The following PDE3B variants were observed in gnomAD, a reference collection of about 807,000 sequenced individuals.
PDE3B encodes the protein phosphodiesterase 3B.
Under a neutral mutation model 116.8 loss-of-function variants are expected in PDE3B, and 66 were observed. The ratio of observed to expected loss-of-function variants is 0.56; its 90% CI spans 0.46 to 0.69. The LOEUF is 0.69. Ranked by LOEUF, PDE3B falls within the 30% of genes least tolerant of loss-of-function variation. The pLI, the probability that PDE3B is intolerant of heterozygous loss-of-function variation, is 0.00. For missense variants in PDE3B, 1,384 were observed against 1,368.1 expected (o/e 1.01, Z -0.18); for synonymous variants, 595 against 533.6 (o/e 1.12, Z -1.59).
chr11:14,844,864 C>T (rs1847559272), intron 12 of PDE3B, among the ~76,000 whole-genome samples: 1 of 152,180 alleles, frequency 6.6e-6, no homozygotes, highest in South Asian at 2.1e-4. Context: ...CAACCACAGC[C>T]CAAGGAGGCC....
intron 1 of PDE3B, among the ~76,000 whole-genome samples, chr11:14,659,528 G>A (rs1487794518): frequency 2.0e-5 from 3 of 152,192 alleles, no homozygotes; most frequent in Non-Finnish European, 4.4e-5. Context: ...TTTTCTTTAA[G>A]TTCAGGGGTA....
chr11:14,667,056 T>C (rs1384449902), intron 1 of PDE3B, among the ~76,000 whole-genome samples: 2 of 152,130 alleles, frequency 1.3e-5, no homozygotes, highest in Non-Finnish European at 1.5e-5. Context: ...AATGATAGAC[T>C]GGATGAAGAA....
At chr11:14,892,305 C>A in the PDE3B span, 1 of 1,190,904 alleles carries the variant, frequency 8.4e-7, no homozygotes, top group Non-Finnish European at 1.2e-6. Context: ...TCAGGTCCCG[C>A]CCTAGCTCCG....
chr11:14,843,617 G>C (rs926642783), intron 11 of PDE3B, among the ~76,000 whole-genome samples: 2 of 152,132 alleles, frequency 1.3e-5, no homozygotes, highest in African/African-American at 4.8e-5. Context: ...TGTAAAGTAA[G>C]CAACTTCAGG....
At position 14,871,549 on chromosome 11, in the gene PDE3B, TGTTA is replaced by T. The variant is rs1360486405; in HGVS notation, c.*1890_*1893del. 1 of 152,184 alleles carries T rather than the reference TGTTA, an allele frequency of 6.6e-6. No individual in the cohort carries two copies. Among genetic ancestry groups the T allele is most frequent in the African/African-American group, 2.4e-5 (1 of 41,472 alleles). The allele number at this position is 152,184 out of a possible 1,614,324, so 9.4% of individuals were successfully genotyped here. A position where few individuals can be genotyped will look rare whatever the true frequency, so the allele number is the denominator to read the frequency against. On this transcript the variant is annotated 3_prime_UTR_variant, in exon 16 of 16. Coordinates refer to ENST00000282096, the MANE Select transcript of PDE3B (RefSeq NM_000922.4). ...GATTGAATCACATTTCCATACTGTC[TGTTA>T]TTTTATTGGGTTTTATATTGGGTTT...
chr11:14,794,777 GC>G (rs755931927), intron 4 of PDE3B, among the ~76,000 whole-genome samples: 4 of 152,160 alleles, frequency 2.6e-5, no homozygotes, highest in Non-Finnish European at 5.9e-5. Context: ...GGTTCCCACA[GC>G]CCCCTCCCTG....
intron 5 of PDE3B, among the ~76,000 whole-genome samples, chr11:14,816,718 G>A (rs941746940): frequency 2.6e-5 from 4 of 152,192 alleles, no homozygotes; most frequent in Non-Finnish European, 5.9e-5. Context: ...ATGAATGAAT[G>A]AGCTGGAAAT....
At chr11:14,734,550 T>C (rs1856546663) in intron 1 of PDE3B, among the ~76,000 whole-genome samples, 1 of 152,234 alleles carries the variant, frequency 6.6e-6, no homozygotes, top group East Asian at 1.9e-4. Context: ...AACAATACTC[T>C]CAGCATGTAT....
chr11:14,869,237 T>C (rs1377613228), intron 15 of PDE3B, among the ~76,000 whole-genome samples: 1 of 152,124 alleles, frequency 6.6e-6, no homozygotes, highest in Non-Finnish European at 1.5e-5. Context: ...CCTGTTTTGC[T>C]TCTTTCTGTT....
the PDE3B span, chr11:14,891,356 G>C: frequency 3.0e-6 from 3 of 985,392 alleles, no homozygotes; most frequent in South Asian, 4.7e-5. Context: ...CAGTCAGAAC[G>C]GCATTACCAT....
chr11:14,756,799 C>CT (rs995432439), intron 1 of PDE3B, among the ~76,000 whole-genome samples: 3 of 78,308 alleles, frequency 3.8e-5, no homozygotes, highest in Non-Finnish European at 5.0e-5. Context: ...ATTTTAAGTG[C>CT]TTATTTTTTT....
intron 1 of PDE3B, among the ~76,000 whole-genome samples, chr11:14,653,898 T>C (rs2057318970): frequency 6.6e-6 from 1 of 152,066 alleles, no homozygotes; most frequent in Non-Finnish European, 1.5e-5. Context: ...CCTGGGAGGC[T>C]AATGTGGGAG....
At chr11:14,824,425 A>G (rs951648595) in intron 7 of PDE3B, among the ~76,000 whole-genome samples, 5 of 152,228 alleles carry the variant, frequency 3.3e-5, no homozygotes, top group African/African-American at 1.2e-4. Flanking sequence ...GACAGATGAA[A>G]TAGCCAGTAT....
the PDE3B span, chr11:14,887,597 T>C: frequency 7.8e-5 from 77 of 985,348 alleles, 1 homozygote; most frequent in Middle Eastern, 1.0e-3. Flanking sequence ...CTGGCAGAGA[T>C]GTAAACAGGA....
intron 1 of PDE3B, among the ~76,000 whole-genome samples, chr11:14,735,139 C>T (rs1035338104): frequency 6.6e-6 from 1 of 152,066 alleles, no homozygotes; most frequent in Non-Finnish European, 1.5e-5. Flanking sequence ...AAATGTATAT[C>T]GATCATAATG....
chr11:14,699,508 C>T (rs1165375039), intron 1 of PDE3B, among the ~76,000 whole-genome samples: 3 of 151,770 alleles, frequency 2.0e-5, no homozygotes, highest in African/African-American at 4.8e-5. Context: ...TCCTTGTTTT[C>T]GTTACCAAAG....
chr11:14,894,589 T>C, the PDE3B span, among the ~76,000 whole-genome samples: 1 of 152,228 alleles, frequency 6.6e-6, no homozygotes, highest in Non-Finnish European at 1.5e-5. Context: ...CCTGGCTACA[T>C]AGCAGAGGAG....
chr11:14,786,511 T>C lies in PDE3B; in HGVS notation c.1104T>C (p.Thr368=). The C allele has an allele frequency of 1.2e-6, 2 of 1,612,622 alleles. No individual in the cohort carries two copies. Among genetic ancestry groups the C allele is most frequent in the Non-Finnish European group, 1.7e-6 (2 of 1,178,754 alleles). The change falls in exon 3 of 16, where the codon ACT becomes ACC. Residue 368 remains threonine, a synonymous_variant. Coordinates refer to ENST00000282096, the MANE Select transcript of PDE3B (RefSeq NM_000922.4). ...GCAATATGGTGTCAGATCTTCTGAC[T>C]GATCCAAGCCTTCCACCACAAGTCA... The part of the protein sequence containing the change: ...EARNMVSDLL[T]DPSLPPQVIS...
intron 1 of PDE3B, among the ~76,000 whole-genome samples, chr11:14,706,470 T>C (rs957880651): frequency 1.1e-4 from 16 of 151,890 alleles, no homozygotes; most frequent in Admixed American, 9.9e-4. Flanking sequence ...AAGACAACAA[T>C]AATATGTTGA....
Sources: gnomAD v4.1 joint callset for allele counts (sites outside exome capture counted in the v4.1 genomes callset) on GRCh38, gnomAD v4.1.1 for gene constraint, MANE v1.5 for transcripts, NCBI Gene and HGNC (gene_info 2026-07-23, HGNC 2026-07-21) for gene names.